The following SRGAP3 variants were observed in gnomAD, a reference collection of about 807,000 sequenced individuals.
The protein encoded by SRGAP3 is SLIT-ROBO Rho GTPase activating protein 3, also known as SLIT-ROBO Rho GTPase-activating protein 3.
Under a neutral mutation model 121.1 loss-of-function variants are expected in SRGAP3, and 39 were observed. The observed-to-expected ratio is 0.32, with a 90% CI of 0.25 to 0.42. The LOEUF is 0.42. SRGAP3 is among the 10% of genes least tolerant of loss of function. The pLI, the probability that SRGAP3 is intolerant of heterozygous loss-of-function variation, is 1.00. For synonymous variants in SRGAP3, 601 were observed against 570.0 expected (o/e 1.05, Z -0.77); for missense variants, 1,213 against 1,470.6 (o/e 0.82, Z 2.86).
intron 6 of SRGAP3, chr3:9,059,861 T>A: frequency 3.1e-6 from 1 of 325,792 alleles, no homozygotes; most frequent in Non-Finnish European, 6.0e-6. Context: ...TAATAACATC[T>A]CCTTTACCAC....
At chr3:9,338,345 T>C (rs1575015870) in intron 1 of SRGAP3, among the ~76,000 whole-genome samples, 1 of 152,190 alleles carries the variant, frequency 6.6e-6, no homozygotes, top group Admixed American at 6.6e-5. Context: ...GAAAGGCTGG[T>C]TCAGGGGCAA....
chr3:9,321,118 A>C (rs1469180051), intron 3 of SRGAP3, among the ~76,000 whole-genome samples: 2 of 151,838 alleles, frequency 1.3e-5, no homozygotes, highest in Non-Finnish European at 2.9e-5. Context: ...AGGAAGCCCA[A>C]GTCACATGGA....
At chr3:9,128,981 CT>C (rs1280579267) in intron 1 of SRGAP3, among the ~76,000 whole-genome samples, 36 of 152,318 alleles carry the variant, frequency 2.4e-4, no homozygotes, top group Middle Eastern at 3.4e-3. Flanking sequence ...GGAAGGGACA[CT>C]GATAAAAATT....
At chr3:9,153,986 C>T (rs531891273) in intron 1 of SRGAP3, among the ~76,000 whole-genome samples, 7 of 152,164 alleles carry the variant, frequency 4.6e-5, no homozygotes, top group East Asian at 3.9e-4. Context: ...CTCCCACCCA[C>T]GTCCCCTCCA....
intron 10 of SRGAP3, among the ~76,000 whole-genome samples, chr3:9,038,614 C>T (rs926651109): frequency 3.9e-5 from 6 of 152,226 alleles, no homozygotes; most frequent in African/African-American, 1.4e-4. Context: ...ACCCTGCTGC[C>T]CTGCCTCTGC....
rs1272304071 is a variant in SRGAP3 at position 9,249,125 on chromosome 3, G to GA, written c.-175dup. 5.6e-5 allele frequency: 39 copies of GA among 694,864 alleles called. No homozygotes were observed. The highest frequency in any genetic ancestry group is 7.6e-6 in the Non-Finnish European group (3 of 396,762). The allele number at this position is 694,864 out of a possible 1,614,324, so 43.0% of individuals were successfully genotyped here. A position where few individuals can be genotyped will look rare whatever the true frequency, so the allele number is the denominator to read the frequency against. On this transcript the variant is annotated 5_prime_UTR_variant, in exon 1 of 22. Transcript: ENST00000383836. ...AGAAAAATCCTTCTCCTTCTGGAAG[G>GA]AAAAATCTCTTTACTTGCCGAGAAA...
chr3:9,045,240 C>T (rs952800497), intron 10 of SRGAP3, among the ~76,000 whole-genome samples: 1 of 150,352 alleles, frequency 6.7e-6, no homozygotes, highest in Non-Finnish European at 1.5e-5. Context: ...CTATCAAGAA[C>T]CATCCATTTG....
At chr3:9,168,844 G>C (rs910765689) in intron 1 of SRGAP3, among the ~76,000 whole-genome samples, 2 of 152,228 alleles carry the variant, frequency 1.3e-5, no homozygotes, top group African/African-American at 2.4e-5. Context: ...GTGGCAACAT[G>C]AATATGCATA....
At position 9,286,986 on chromosome 3, in the gene SRGAP3, CTTTTTTT is replaced by C. The variant is rs36096507; in HGVS notation, n.442+39017_442+39023del. 5.1e-5 allele frequency among the ~76,000 whole-genome samples: 4 copies of C among 79,092 alleles called. No individual in the cohort carries two copies. In the East Asian group the frequency reaches 1.2e-3, roughly 24 times the overall value. The allele number at this position is 79,092 out of a possible 152,430, so 51.9% of individuals were successfully genotyped here. A position where few individuals can be genotyped will look rare whatever the true frequency, so the allele number is the denominator to read the frequency against. ...TTTGCCTTGTCCACACACTGACACTCTTTTTTTTTTTTTTTTTTTTTTTGGGACAGGG... is the reference window on the plus strand; with the variant it reads ...TTTGCCTTGTCCACACACTGACACTCTTTTTTTTTTTTTTTTGGGACAGGG... On this transcript the variant is annotated intron_variant and non_coding_transcript_variant, in intron 3 of 3. Coordinates refer to the SRGAP3 transcript ENST00000490889.
chr3:9,269,707 G>A (rs898342503), intron 3 of SRGAP3, among the ~76,000 whole-genome samples: 1 of 152,172 alleles, frequency 6.6e-6, no homozygotes, highest in Non-Finnish European at 1.5e-5. Context: ...TATCCCAAGA[G>A]AGGGCAAAAG....
intron 1 of SRGAP3, among the ~76,000 whole-genome samples, chr3:9,226,433 C>G (rs1453765634): frequency 6.6e-6 from 1 of 152,200 alleles, no homozygotes; most frequent in Non-Finnish European, 1.5e-5. Flanking sequence ...CACCCAGCCT[C>G]GAGCACCTCC....
intron 18 of SRGAP3, chr3:9,008,014 G>C (rs1227055491): frequency 6.6e-6 from 1 of 152,172 alleles, no homozygotes; most frequent in Non-Finnish European, 1.5e-5. Flanking sequence ...CATGAAACTG[G>C]CTCTCCCAGA....
At chr3:8,993,358 G>A (rs530420532) in intron 19 of SRGAP3, among the ~76,000 whole-genome samples, 2 of 152,324 alleles carry the variant, frequency 1.3e-5, no homozygotes, top group South Asian at 2.1e-4. Context: ...GCTGCAGGGT[G>A]TGTTGGAGAA....
chr3:9,071,913 G>A (rs901596585), intron 4 of SRGAP3, among the ~76,000 whole-genome samples: 2 of 152,156 alleles, frequency 1.3e-5, no homozygotes, highest in Admixed American at 6.5e-5. Flanking sequence ...GCCTCACAGA[G>A]TACACGCCGT....
intron 1 of SRGAP3, among the ~76,000 whole-genome samples, chr3:9,347,550 C>T (rs1575024781): frequency 1.3e-5 from 2 of 152,136 alleles, no homozygotes; most frequent in South Asian, 2.1e-4. Context: ...GCTCTGTGCT[C>T]GGCCCAAGCT....
chr3:9,078,465 C>T (rs1025505374), intron 4 of SRGAP3, among the ~76,000 whole-genome samples: 10 of 152,124 alleles, frequency 6.6e-5, no homozygotes, highest in African/African-American at 9.7e-5. Context: ...TTCCCCCCAC[C>T]GTGAGTATGT....
At chr3:9,176,425 G>C (rs1337662337) in intron 1 of SRGAP3, among the ~76,000 whole-genome samples, 1 of 152,206 alleles carries the variant, frequency 6.6e-6, no homozygotes, top group Admixed American at 6.5e-5. Flanking sequence ...ATTAGTATAT[G>C]TTGTGACTCT....
At chr3:9,348,737 A>T in intron 1 of SRGAP3, 1 of 1,308,820 alleles carries the variant, frequency 7.6e-7, no homozygotes, top group Non-Finnish European at 1.1e-6. Context: ...CGGTCTCAAT[A>T]AAGCAGAAAC....
At chr3:9,348,860 T>C in intron 1 of SRGAP3, 1 of 1,272,750 alleles carries the variant, frequency 7.9e-7, no homozygotes, top group Non-Finnish European at 1.1e-6. Context: ...GGATCGCAGG[T>C]TTGCAAACCT....
Sources: gnomAD v4.1 joint callset for allele counts (sites outside exome capture counted in the v4.1 genomes callset) on GRCh38, gnomAD v4.1.1 for gene constraint, MANE v1.5 for transcripts, NCBI Gene and HGNC (gene_info 2026-07-23, HGNC 2026-07-21) for gene names.